PEX5L: variants seen among roughly 807,000 people sequenced by gnomAD.
PEX5L encodes peroxisomal biogenesis factor 5 like.
A neutral mutation model predicts 84.0 loss-of-function variants in PEX5L; 30 were observed. That is an observed-to-expected ratio of 0.36 (90% CI 0.27 to 0.48). The LOEUF (loss-of-function observed/expected upper bound fraction) is 0.48. Ranked by LOEUF, PEX5L falls within the 20% of genes least tolerant of loss-of-function variation. The pLI is 0.99. For synonymous variants in PEX5L, 270 were observed against 283.1 expected (o/e 0.95, Z 0.46); for missense variants, 533 against 754.6 (o/e 0.71, Z 3.44).
chr3:179,918,020 T>C (rs11708154), intron 2 of PEX5L, among the ~76,000 whole-genome samples: 41,581 of 152,118 alleles, frequency 0.27, 6,201 homozygotes, highest in Non-Finnish European at 0.34. Flanking sequence ...GGTATATGCT[T>C]TCATTATGAC....
chr3:180,036,710 T>G lies in PEX5L; in HGVS notation c.-111A>C. Reference sequence around the variant, plus strand: ...GGGTGCACAGCGGGTTCTCAGAGGGTGCTCCTGAGCCCCCTGGAGCTCCGG... The same window carrying G: ...GGGTGCACAGCGGGTTCTCAGAGGGGGCTCCTGAGCCCCCTGGAGCTCCGG... On this transcript the variant is annotated 5_prime_UTR_variant, in exon 1 of 15. Coordinates refer to ENST00000467460, the MANE Select transcript of PEX5L (RefSeq NM_016559.3). The G allele has an allele frequency of 8.3e-6, 10 of 1,208,060 alleles. No individual in the cohort carries two copies. The highest frequency in any genetic ancestry group is 1.2e-5 in the Non-Finnish European group (10 of 811,658). 74.8% of individuals were successfully genotyped at this position (1,208,060 alleles called of 1,614,324 possible).
At chr3:179,993,128 A>C (rs947621331) in intron 1 of PEX5L, among the ~76,000 whole-genome samples, 5 of 152,188 alleles carry the variant, frequency 3.3e-5, no homozygotes, top group African/African-American at 1.2e-4. Context: ...AACCACCAGC[A>C]AGAGTTCACT....
At chr3:179,915,107 G>A (rs1219632747) in intron 2 of PEX5L, among the ~76,000 whole-genome samples, 4 of 152,166 alleles carry the variant, frequency 2.6e-5, no homozygotes, top group African/African-American at 9.7e-5. Context: ...TGATTCCTTT[G>A]TATGCTTTGC....
rs562718173 is a variant in PEX5L, at chr3:179,871,037, T to A, written c.726+3290A>T. ...CTGTTGGGTCACTGCCTCATATAAT[T>A]TATGTTGGCTTGAGAGAGAAGAAAA... On this transcript the variant is annotated intron_variant, in intron 7 of 14. Transcript: ENST00000467460. Among the ~76,000 whole-genome samples, 3 of 152,242 alleles carry A rather than the reference T, an allele frequency of 2.0e-5. No individual in the cohort carries two copies. The East Asian group carries it at 5.8e-4, about 29-fold the overall frequency.
At chr3:179,976,452 T>G (rs1785797332) in intron 1 of PEX5L, among the ~76,000 whole-genome samples, 1 of 151,892 alleles carries the variant, frequency 6.6e-6, no homozygotes, top group South Asian at 2.1e-4. Flanking sequence ...TGGAGGGGTG[T>G]GGGGGGAAGG....
chr3:179,955,780 T>C (rs544824920), intron 2 of PEX5L, among the ~76,000 whole-genome samples: 63 of 152,244 alleles, frequency 4.1e-4, no homozygotes, highest in African/African-American at 1.2e-3. Context: ...TTTTTTCTTA[T>C]TACGATTAGA....
intron 8 of PEX5L, among the ~76,000 whole-genome samples, chr3:179,825,741 C>T (rs1266184283): frequency 6.6e-6 from 1 of 152,214 alleles, no homozygotes; most frequent in South Asian, 2.1e-4. Context: ...TAGTTCACCT[C>T]TTTAACTCAG....
At chr3:179,953,208 TA>T (rs575049354) in intron 2 of PEX5L, among the ~76,000 whole-genome samples, 206 of 152,232 alleles carry the variant, frequency 1.4e-3, no homozygotes, top group Middle Eastern at 0.01. Flanking sequence ...ACTTCATGAC[TA>T]AAACACCAAA....
chr3:179,846,186 C>A (rs1329333382), intron 8 of PEX5L, among the ~76,000 whole-genome samples: 1 of 151,854 alleles, frequency 6.6e-6, no homozygotes, highest in East Asian at 1.9e-4. Context: ...ACAAAAAAAA[C>A]TATGATAGTT....
chr3:179,870,134 C>T lies in PEX5L; in HGVS notation c.726+4193G>A, dbSNP rs369689375. ...TGATAATTAAGCATAAATAAGGCTG[C>T]GCTTTGTCCCACTTCCTTGTGGCTA... On this transcript the variant is annotated intron_variant, in intron 7 of 14. Transcript: ENST00000467460. Among the ~76,000 whole-genome samples the T allele has an allele frequency of 5.4e-4, 82 of 152,298 alleles. No homozygotes were observed. The East Asian group carries it at 8.7e-3, about 16-fold the overall frequency.
chr3:180,006,359 TTTCA>T (rs1469837487), intron 1 of PEX5L, among the ~76,000 whole-genome samples: 2 of 144,136 alleles, frequency 1.4e-5, no homozygotes, highest in Non-Finnish European at 3.0e-5. Flanking sequence ...TTTTAAAAGT[TTTCA>T]TTATTTTTTT....
rs537638189 is a variant in PEX5L at position 179,854,276 on chromosome 3, C to T, written c.822+4786G>A. Among the ~76,000 whole-genome samples, 3 of 152,004 alleles carry T rather than the reference C, an allele frequency of 2.0e-5. No individual in the cohort carries two copies. The South Asian group carries it at 6.3e-4, about 32-fold the overall frequency. On this transcript the variant is annotated intron_variant, in intron 8 of 14. Transcript: ENST00000467460. ...TTTGCACATAAACAGGTTCCCAGGTCATTTACTACAAACAATACATGTTCA... is the reference window on the plus strand; with the variant it reads ...TTTGCACATAAACAGGTTCCCAGGTTATTTACTACAAACAATACATGTTCA...
chr3:179,917,333 CTT>C (rs879717616), intron 2 of PEX5L, among the ~76,000 whole-genome samples: 4 of 147,788 alleles, frequency 2.7e-5, no homozygotes, highest in African/African-American at 7.5e-5. Flanking sequence ...TTACAGCTAA[CTT>C]TTTTTTTTTT....
chr3:179,884,022 T>C (rs1056288881), intron 4 of PEX5L, among the ~76,000 whole-genome samples: 1 of 152,226 alleles, frequency 6.6e-6, no homozygotes, highest in Admixed American at 6.5e-5. Flanking sequence ...ATATACAATA[T>C]GGTAAGTGCT....
chr3:179,889,080 C>T (rs557042436), intron 3 of PEX5L, among the ~76,000 whole-genome samples: 9 of 152,176 alleles, frequency 5.9e-5, no homozygotes, highest in African/African-American at 2.2e-4. Context: ...CCTGGCCAAT[C>T]TCTAGATTTT....
At chr3:179,828,528 A>G (rs893428983) in intron 8 of PEX5L, among the ~76,000 whole-genome samples, 2 of 152,092 alleles carry the variant, frequency 1.3e-5, no homozygotes, top group African/African-American at 4.8e-5. Context: ...TGAGTTTGCA[A>G]TTTCTGGACA....
rs1309723494 is a variant in PEX5L at position 179,807,899 on chromosome 3, C to A, written c.1519-68G>T. ...ACAATGACAGAGCATTCCTGTATTT[C>A]TCTGCAGAGAAAGGAAGATGGCTAA... On this transcript the variant is annotated intron_variant, in intron 13 of 14. Coordinates refer to ENST00000467460, the MANE Select transcript of PEX5L (RefSeq NM_016559.3). 4.2e-6 allele frequency: 6 copies of A among 1,425,234 alleles called. No homozygotes were observed. The African/African-American group carries it at 8.5e-5, about 20-fold the overall frequency. 88.3% of individuals were successfully genotyped at this position (1,425,234 alleles called of 1,614,324 possible).
At chr3:179,831,896 T>C (rs1208403815) in intron 8 of PEX5L, among the ~76,000 whole-genome samples, 5 of 152,176 alleles carry the variant, frequency 3.3e-5, no homozygotes, top group Non-Finnish European at 4.4e-5. Flanking sequence ...GGTGAGGATA[T>C]AGAATATTCA....
At chr3:179,869,887 T>G (rs2108651954) in intron 7 of PEX5L, among the ~76,000 whole-genome samples, 1 of 152,300 alleles carries the variant, frequency 6.6e-6, no homozygotes, top group African/African-American at 2.4e-5. Context: ...TATATAGATA[T>G]CTATATAAAT....
Sources: gnomAD v4.1 joint callset for allele counts (sites outside exome capture counted in the v4.1 genomes callset) on GRCh38, gnomAD v4.1.1 for gene constraint, MANE v1.5 for transcripts, NCBI Gene and HGNC (gene_info 2026-07-23, HGNC 2026-07-21) for gene names.